Variants in DHX35 observed in about 807,000 individuals in gnomAD.
DHX35 encodes the protein DEAH-box helicase 35, also known as probable ATP-dependent RNA helicase DHX35.
In DHX35, 84 loss-of-function variants were observed where a neutral mutation model predicts 99.6. The ratio of observed to expected loss-of-function variants is 0.84; its 90% CI spans 0.71 to 1.01. The LOEUF (loss-of-function observed/expected upper bound fraction) is 1.01. DHX35 is among the 50% of genes least tolerant of loss of function. The probability of loss-of-function intolerance (pLI) is 0.00; values close to 1 mark genes in which losing one functional copy is unlikely to be tolerated. For missense variants in DHX35, 852 were observed against 888.5 expected (o/e 0.96, Z 0.52); for synonymous variants, 331 against 316.2 (o/e 1.05, Z -0.50).
At chr20:38,976,034 C>G (rs1315714964) in intron 3 of DHX35, among the ~76,000 whole-genome samples, 2 of 152,100 alleles carry the variant, frequency 1.3e-5, no homozygotes, top group South Asian at 2.1e-4. Flanking sequence ...ACAGAGAGGG[C>G]CTGCTGTGTT....
chr20:39,009,471 T>C (rs1163120226), intron 12 of DHX35, among the ~76,000 whole-genome samples: 1 of 152,066 alleles, frequency 6.6e-6, no homozygotes, highest in Non-Finnish European at 1.5e-5. Context: ...GGGTCACCCT[T>C]GTATTGTTTA....
intron 9 of DHX35, 87 bp from the exon 10 acceptor site, chr20:39,002,685 T>G: frequency 8.3e-7 from 1 of 1,211,834 alleles, no homozygotes; most frequent in East Asian, 2.4e-5. Flanking sequence ...CTCACTTTGA[T>G]GAGCTTTGCT....
chr20:38,982,586 C>G (rs1328130492), intron 3 of DHX35, among the ~76,000 whole-genome samples: 1 of 152,162 alleles, frequency 6.6e-6, no homozygotes, highest in African/African-American at 2.4e-5. Flanking sequence ...ACAAAAAGAT[C>G]TATTGAGAGC....
At chr20:38,997,798 AAG>A (rs1491114882) in intron 8 of DHX35, among the ~76,000 whole-genome samples, 1 of 152,192 alleles carries the variant, frequency 6.6e-6, no homozygotes, top group African/African-American at 2.4e-5. Flanking sequence ...AAGTGGGCGA[AAG>A]AGGGCAAGAA....
chr20:39,010,338 G>A lies in DHX35; in HGVS notation c.1281G>A (p.Leu427=). 1 of 1,614,136 alleles carries A rather than the reference G, an allele frequency of 6.2e-7. No homozygotes were observed. Among genetic ancestry groups the A allele is most frequent in the Non-Finnish European group, 8.5e-7 (1 of 1,180,014 alleles). The change falls in exon 13 of 22, where the codon TTG becomes TTA. Residue 427 remains leucine (L), a synonymous_variant. Coordinates refer to ENST00000252011, the MANE Select transcript of DHX35 (RefSeq NM_021931.4). ...TTCCTGAGATGCAGCGTAGTAATTTGGCACCTGTCATCCTGCAGCTGAAAG... is the reference window on the plus strand; with the variant it reads ...TTCCTGAGATGCAGCGTAGTAATTTAGCACCTGTCATCCTGCAGCTGAAAG... ...STVPEMQRSN[L]APVILQLKAL... is the part of the protein sequence containing the mutation.
chr20:38,972,646 C>A lies in DHX35; in HGVS notation c.262C>A (p.Pro88Thr). ...AGGATGTGGGAAGAGCACACAGATT[C>A]CTCAGGTGAGTACATATTTAATAAG... The part of the protein sequence containing the change: ...ETGCGKSTQI[P>T]QYLAEAGWTA... The change falls in exon 3 of 22, where the codon CCT becomes ACT. Residue 88 changes from proline to threonine, a missense_variant. Pro to Thr is a conservative substitution (Grantham distance 38, BLOSUM62 -1). Transcript: ENST00000252011. 6.2e-7 allele frequency: 1 copy of A among 1,607,994 alleles called. No homozygotes were observed.
chr20:39,010,481 C>T (rs2086685622), intron 13 of DHX35, 77 bp downstream of exon 13: 1 of 1,561,264 alleles, frequency 6.4e-7, no homozygotes, highest in Non-Finnish European at 8.7e-7. Context: ...TGTCGTAGGG[C>T]ATGCCATCTT....
intron 13 of DHX35, among the ~76,000 whole-genome samples, chr20:39,012,164 G>T (rs558395678): frequency 1.6e-4 from 24 of 152,226 alleles, no homozygotes; most frequent in African/African-American, 3.9e-4. Flanking sequence ...CAGGAGAAAC[G>T]CTTGAACCCG....
At chr20:38,977,846 CT>C in intron 3 of DHX35, 1 of 560,080 alleles carries the variant, frequency 1.8e-6, no homozygotes, top group Non-Finnish European at 3.5e-6. Context: ...TCTGATTTGA[CT>C]TTTGTGCATT....
chr20:39,028,625 A>C, intron 19 of DHX35, 126 bp downstream of exon 19: 1 of 1,087,454 alleles, frequency 9.2e-7, no homozygotes, highest in Non-Finnish European at 1.3e-6. Context: ...GTCTCCTTCC[A>C]AAACTGAGTT....
intron 8 of DHX35, among the ~76,000 whole-genome samples, chr20:38,995,904 G>A (rs1568732976): frequency 6.6e-6 from 1 of 152,110 alleles, no homozygotes; most frequent in Non-Finnish European, 1.5e-5. Flanking sequence ...ATGGAGCTTC[G>A]AGTCTTATCT....
At chr20:39,024,047 C>T (rs1432220000) in intron 17 of DHX35, among the ~76,000 whole-genome samples, 1 of 152,224 alleles carries the variant, frequency 6.6e-6, no homozygotes, top group African/African-American at 2.4e-5. Flanking sequence ...CTCACGTCAT[C>T]TCACATCCAC....
intron 3 of DHX35, among the ~76,000 whole-genome samples, chr20:38,973,029 A>C (rs1290463514): frequency 6.6e-6 from 1 of 152,248 alleles, no homozygotes; most frequent in Non-Finnish European, 1.5e-5. Context: ...ATGCAGTGCT[A>C]TGGAAGAACC....
chr20:38,985,786 A>G (rs977485349), intron 4 of DHX35, among the ~76,000 whole-genome samples: 1 of 152,224 alleles, frequency 6.6e-6, no homozygotes, highest in African/African-American at 2.4e-5. Flanking sequence ...ACTTCCATGA[A>G]ACCACAGCTT....
rs998747126 is a variant in DHX35, at chr20:39,029,980, CT to C, written c.1884-708del. 1,026 of 137,874 alleles carry C rather than the reference CT, an allele frequency of 7.4e-3. 8 individuals carry two copies. Among genetic ancestry groups the C allele is most frequent in the Admixed American group, 0.021 (288 of 13,634 alleles). The allele number at this position is 137,874 out of a possible 1,614,324, so 8.5% of individuals were successfully genotyped here. On this transcript the variant is annotated intron_variant, in intron 19 of 21. Transcript: ENST00000252011. ...GAGAAATTAATAGTCCAGTATTGAG[CT>C]TTTTTTTTTTTTTTTGAGATGGAGT... is the stretch of plus-strand genomic sequence containing the variant.
In DHX35 at chr20:38,994,899, CT is replaced by C. The variant is rs757010638; in HGVS notation, c.642+22del. On this transcript the variant is annotated intron_variant, in intron 8 of 21. Coordinates refer to ENST00000252011, the MANE Select transcript of DHX35 (RefSeq NM_021931.4). ...TGCAGACGTAAGAGCCTTGCCTCCC[CT>C]TTCCTCCTCTCCTCACAAACACTTT... 6.2e-7 allele frequency: 1 copy of C among 1,610,636 alleles called. No homozygotes were observed. Among genetic ancestry groups the C allele is most frequent in the Non-Finnish European group, 8.5e-7 (1 of 1,176,976 alleles).
intron 21 of DHX35, among the ~76,000 whole-genome samples, chr20:39,037,237 G>C (rs1412127627): frequency 6.6e-6 from 1 of 152,216 alleles, no homozygotes; most frequent in Non-Finnish European, 1.5e-5. Flanking sequence ...AGAATTCAGA[G>C]AAATTCAGCA....
At chr20:39,036,725 C>CAAAAAAAA (rs1568767807) in intron 21 of DHX35, among the ~76,000 whole-genome samples, 2 of 117,142 alleles carry the variant, frequency 1.7e-5, no homozygotes, top group African/African-American at 7.3e-5. Context: ...GACTGTCCCC[C>CAAAAAAAA]CAAAAAAAAA....
intron 1 of DHX35, among the ~76,000 whole-genome samples, chr20:38,966,364 A>G (rs934248423): frequency 2.9e-4 from 44 of 152,200 alleles, no homozygotes; most frequent in Non-Finnish European, 4.1e-4. Flanking sequence ...ATCAACTGAC[A>G]TAGCTGTTCT....
Sources: allele counts gnomAD v4.1 joint callset (sites outside exome capture counted in the v4.1 genomes callset), GRCh38; gene constraint gnomAD v4.1.1; transcripts MANE v1.5; gene names NCBI Gene and HGNC (gene_info 2026-07-23, HGNC 2026-07-21).